UBE2W: variants seen among roughly 807,000 people sequenced by gnomAD.
The protein encoded by UBE2W is ubiquitin conjugating enzyme E2 W.
In UBE2W, 18 loss-of-function variants were observed where a neutral mutation model predicts 27.2. The observed-to-expected ratio is 0.66, with a 90% confidence interval of 0.46 to 0.98. The LOEUF is 0.98. Among genes scored for constraint, UBE2W ranks in the 50% least tolerant of loss-of-function variants. The pLI, the probability that UBE2W is intolerant of heterozygous loss-of-function variation, is 0.00. For missense variants in UBE2W, 90 were observed against 180.2 expected, an observed-to-expected ratio of 0.50 and a Z score of 2.87; for synonymous variants, 53 against 57.2, an observed-to-expected ratio of 0.93 and a Z score of 0.33.
At chr8:73,809,237 AG>A (rs1809050218) in intron 4 of UBE2W, among the ~76,000 whole-genome samples, 2 of 152,234 alleles carry the variant, frequency 1.3e-5, no homozygotes, top group Non-Finnish European at 2.9e-5. Flanking sequence ...GCTGTGGCTT[AG>A]AGTGCTTCAG....
Position 73,819,178 on chromosome 8 carries a change from CA to C in UBE2W, c.210+5968del, listed in dbSNP as rs1809510478. Among the ~76,000 whole-genome samples, 3 of 152,190 alleles carry C rather than the reference CA, an allele frequency of 2.0e-5. No homozygotes were observed. In the South Asian group the frequency reaches 6.2e-4, roughly 31 times the overall value. On this transcript the variant is annotated intron_variant, in intron 3 of 5. Coordinates refer to ENST00000602593, the MANE Select transcript of UBE2W (RefSeq NM_018299.6). ...GTCACCTTCTCAGTGAAATCTTTCC[CA>C]GTGACTCTATCCAATATTTCAACAC... is the stretch of plus-strand genomic sequence containing the variant.
Position 73,790,264 on chromosome 8 carries a change from C to A in UBE2W, c.*3838G>T. The stretch of plus-strand genomic sequence containing the variant: ...CACATTGGACATCAGTGGGAAGAGG[C>A]AGAAAAATAGGAAGAAAAATAAAGG... On this transcript the variant is annotated 3_prime_UTR_variant, in exon 6 of 6. Coordinates refer to ENST00000602593, the MANE Select transcript of UBE2W (RefSeq NM_018299.6). The A allele has an allele frequency of 1.0e-6, 1 of 984,416 alleles. No homozygotes were observed. The highest frequency in any genetic ancestry group is 1.2e-6 in the Non-Finnish European group (1 of 829,716). The allele number at this position is 984,416 out of a possible 1,614,324, so 61.0% of individuals were successfully genotyped here. A position where few individuals can be genotyped will look rare whatever the true frequency, so the allele number is the denominator to read the frequency against.
intron 4 of UBE2W, among the ~76,000 whole-genome samples, chr8:73,808,221 G>A (rs1180245746): frequency 6.6e-6 from 1 of 151,450 alleles, no homozygotes; most frequent in Non-Finnish European, 1.5e-5. Context: ...ACGTGTAGAT[G>A]GGTATTTAAA....
intron 5 of UBE2W, among the ~76,000 whole-genome samples, chr8:73,798,783 CTCAA>C (rs1808522510): frequency 6.6e-6 from 1 of 152,136 alleles, no homozygotes; most frequent in Non-Finnish European, 1.5e-5. Flanking sequence ...ACTCTGAGGC[CTCAA>C]TCATTCATTT....
At chr8:73,830,007 G>A (rs1195043509) in intron 2 of UBE2W, among the ~76,000 whole-genome samples, 2 of 152,022 alleles carry the variant, frequency 1.3e-5, no homozygotes, top group Non-Finnish European at 2.9e-5. Context: ...GATACCTTTT[G>A]ACTATTACTC....
At chr8:73,870,419 G>T in intron 1 of UBE2W, 2 of 922,454 alleles carry the variant, frequency 2.2e-6, no homozygotes, top group East Asian at 2.7e-5. Context: ...AAAGCATCTA[G>T]TAGAGCTAGC....
At chr8:73,825,390 A>AT in intron 2 of UBE2W, 141 bp from the exon 3 acceptor site, 1 of 570,136 alleles carries the variant, frequency 1.8e-6, no homozygotes. Context: ...CAGCCTCCCA[A>AT]TAACTCTCTT....
chr8:73,858,098 C>T (rs570267838), intron 1 of UBE2W, among the ~76,000 whole-genome samples: 23 of 151,986 alleles, frequency 1.5e-4, no homozygotes, highest in Non-Finnish European at 3.4e-4. Flanking sequence ...TGGTGGCTCA[C>T]GCCTGTAATC....
At position 73,786,566 on chromosome 8, in the gene UBE2W, T is replaced by C; in HGVS notation, c.*7536A>G. The C allele has an allele frequency of 1.0e-6, 1 of 985,472 alleles. No individual in the cohort carries two copies. The highest frequency in any genetic ancestry group is 1.2e-6 in the Non-Finnish European group (1 of 829,936). 61.0% of individuals were successfully genotyped at this position (985,472 alleles called of 1,614,324 possible). A position where few individuals can be genotyped will look rare whatever the true frequency, so the allele number is the denominator to read the frequency against. On this transcript the variant is annotated 3_prime_UTR_variant, in exon 6 of 6. Transcript: ENST00000602593. ...AGGACAAGGATGATAACCTTTCAGC[T>C]ACCTTTGAACTAGACCTTTCAGGTA...
chr8:73,839,730 T>G lies in UBE2W; in HGVS notation c.16-9258A>C, dbSNP rs532437626. On this transcript the variant is annotated intron_variant, in intron 1 of 5. Coordinates refer to ENST00000602593, the MANE Select transcript of UBE2W (RefSeq NM_018299.6). ...AGCTCATTCATTTCTTTTTTGGTTT[T>G]TTTTTTTTTTTTTTTTGAAACAGAA... Among the ~76,000 whole-genome samples, 529 of 148,770 alleles carry G rather than the reference T, an allele frequency of 3.6e-3. 5 individuals carry two copies. The highest frequency in any genetic ancestry group is 4.6e-3 in the Admixed American group (69 of 15,040).
chr8:73,822,877 G>A (rs1809685110), intron 3 of UBE2W, among the ~76,000 whole-genome samples: 2 of 152,172 alleles, frequency 1.3e-5, no homozygotes, highest in South Asian at 2.1e-4. Flanking sequence ...TAGGAGGGAG[G>A]AGTGTGGAAA....
In UBE2W at chr8:73,791,452, T is replaced by C. The variant is rs1164981512; in HGVS notation, c.*2650A>G. On this transcript the variant is annotated 3_prime_UTR_variant, in exon 6 of 6. Transcript: ENST00000602593. ...GTATGAAAGTCTAATTCTGTAGGCC[T>C]ATGTCGCAAATAGTGCCCCACGAGG... The C allele has an allele frequency of 5.1e-6, 5 of 985,148 alleles. No homozygotes were observed. The highest frequency in any genetic ancestry group is 4.8e-6 in the Non-Finnish European group (4 of 829,834). 61.0% of individuals were successfully genotyped at this position (985,148 alleles called of 1,614,324 possible).
Position 73,793,609 on chromosome 8 carries a change from GA to G in UBE2W, c.*492del. ...GAATCCAAATATAAACAGTTGGGGT[GA>G]CTTTTAAAGTAATGTTGGATCCCTC... On this transcript the variant is annotated 3_prime_UTR_variant, in exon 6 of 6. Transcript: ENST00000602593. The G allele has an allele frequency of 2.0e-6, 2 of 986,260 alleles. No individual in the cohort carries two copies. Among genetic ancestry groups the G allele is most frequent in the Non-Finnish European group, 2.4e-6 (2 of 830,282 alleles). The allele number at this position is 986,260 out of a possible 1,614,324, so 61.1% of individuals were successfully genotyped here.
At chr8:73,853,173 G>A (rs531922863) in intron 1 of UBE2W, among the ~76,000 whole-genome samples, 1 of 152,298 alleles carries the variant, frequency 6.6e-6, no homozygotes, top group East Asian at 1.9e-4. Context: ...GAATCTGCTG[G>A]CACCCTGGAT....
At chr8:73,819,441 C>G (rs1263674936) in intron 3 of UBE2W, among the ~76,000 whole-genome samples, 1 of 152,214 alleles carries the variant, frequency 6.6e-6, no homozygotes, top group Non-Finnish European at 1.5e-5. Flanking sequence ...AGATTATAAA[C>G]TGTTTAAAGG....
intron 1 of UBE2W, among the ~76,000 whole-genome samples, chr8:73,859,031 C>T (rs1333017019): frequency 4.1e-5 from 6 of 145,706 alleles, no homozygotes; most frequent in Non-Finnish European, 7.5e-5. Context: ...GGTTTTTTTG[C>T]TTTCTTTTTG....
chr8:73,865,979 C>A (rs1311727787), intron 1 of UBE2W, among the ~76,000 whole-genome samples: 4 of 151,966 alleles, frequency 2.6e-5, no homozygotes, highest in Non-Finnish European at 5.9e-5. Context: ...TAGGTGAACA[C>A]AAACATATTC....
rs936585276 is a variant in UBE2W at position 73,787,407 on chromosome 8, T to C, written c.*6695A>G. ...AAAAGTCAAATCCTACTATGGAAAGTAGAAATTAAGGATTATAATAAAGGA... is the reference window on the plus strand; with the variant it reads ...AAAAGTCAAATCCTACTATGGAAAGCAGAAATTAAGGATTATAATAAAGGA... On this transcript the variant is annotated 3_prime_UTR_variant, in exon 6 of 6. Coordinates refer to ENST00000602593, the MANE Select transcript of UBE2W (RefSeq NM_018299.6). 1.3e-5 allele frequency: 13 copies of C among 985,252 alleles called. No individual in the cohort carries two copies. Among genetic ancestry groups the C allele is most frequent in the African/African-American group, 8.7e-5 (5 of 57,218 alleles). The allele number at this position is 985,252 out of a possible 1,614,324, so 61.0% of individuals were successfully genotyped here.
intron 1 of UBE2W, among the ~76,000 whole-genome samples, chr8:73,865,566 G>A (rs980476860): frequency 5.9e-5 from 9 of 152,240 alleles, no homozygotes; most frequent in Admixed American, 3.9e-4. Flanking sequence ...GAGCCGTGAC[G>A]GCACTACTGC....
Sources: gnomAD v4.1 joint callset for allele counts (sites outside exome capture counted in the v4.1 genomes callset) on GRCh38, gnomAD v4.1.1 for gene constraint, MANE v1.5 for transcripts, NCBI Gene and HGNC (gene_info 2026-07-23, HGNC 2026-07-21) for gene names.